ATF7IP2: variants seen among roughly 807,000 people sequenced by gnomAD.
ATF7IP2 encodes the protein activating transcription factor 7 interacting protein 2.
A neutral mutation model predicts 64.2 loss-of-function variants in ATF7IP2; 42 were observed. The observed-to-expected ratio is 0.65, with a 90% confidence interval of 0.51 to 0.85. The LOEUF is 0.85. Ranked by LOEUF, ATF7IP2 falls within the 40% of genes least tolerant of loss-of-function variation. The pLI, the probability that ATF7IP2 is intolerant of heterozygous loss-of-function variation, is 0.00. For missense variants in ATF7IP2, 933 were observed against 784.2 expected, an observed-to-expected ratio of 1.19 and a Z score of -2.27; for synonymous variants, 308 against 272.8, an observed-to-expected ratio of 1.13 and a Z score of -1.27.
intron 2 of ATF7IP2, among the ~76,000 whole-genome samples, chr16:10,416,168 T>G (rs1473411990): frequency 6.6e-6 from 1 of 152,250 alleles, no homozygotes; most frequent in East Asian, 1.9e-4. Flanking sequence ...GTTGCAGCAC[T>G]GTTCACAATA....
intron 1 of ATF7IP2, among the ~76,000 whole-genome samples, chr16:10,413,714 A>C (rs186435484): frequency 6.6e-6 from 1 of 152,278 alleles, no homozygotes; most frequent in East Asian, 1.9e-4. Context: ...AGCAGTTTTT[A>C]CAGTGTTAGC....
intron 11 of ATF7IP2, 46 bp from the exon 12 acceptor site, chr16:10,473,877 C>T: frequency 8.5e-7 from 1 of 1,170,770 alleles, no homozygotes. Context: ...AAAACATTTT[C>T]AGCTATTGAG....
intron 1 of ATF7IP2, among the ~76,000 whole-genome samples, chr16:10,388,616 A>G (rs1014396030): frequency 3.9e-5 from 6 of 152,140 alleles, no homozygotes; most frequent in African/African-American, 1.4e-4. Context: ...TATTAAGGAG[A>G]GAATAACTCT....
At chr16:10,415,048 C>G (rs2047844177) in intron 2 of ATF7IP2, among the ~76,000 whole-genome samples, 2 of 152,188 alleles carry the variant, frequency 1.3e-5, no homozygotes, top group Admixed American at 1.3e-4. Context: ...AATGTTCATA[C>G]TGCTTAAAGC....
intron 6 of ATF7IP2, among the ~76,000 whole-genome samples, chr16:10,435,577 G>A (rs1477568015): frequency 6.6e-6 from 1 of 152,176 alleles, no homozygotes; most frequent in Admixed American, 6.5e-5. Flanking sequence ...ATTAGAACAA[G>A]TGTATAGTCT....
At chr16:10,463,648 A>G (rs1338115632) in intron 9 of ATF7IP2, among the ~76,000 whole-genome samples, 3 of 152,160 alleles carry the variant, frequency 2.0e-5, no homozygotes, top group East Asian at 3.9e-4. Flanking sequence ...CTGCAACCTC[A>G]TGAGAAAACG....
At chr16:10,473,876 T>C (rs2049900521) in intron 11 of ATF7IP2, 47 bp from the exon 12 acceptor site, 2 of 1,221,064 alleles carry the variant, frequency 1.6e-6, no homozygotes, top group Non-Finnish European at 2.3e-6. Context: ...AAAAACATTT[T>C]CAGCTATTGA....
chr16:10,397,548 G>A (rs2047443221), intron 1 of ATF7IP2, among the ~76,000 whole-genome samples: 1 of 152,150 alleles, frequency 6.6e-6, no homozygotes, highest in Non-Finnish European at 1.5e-5. Flanking sequence ...ATCTTGCAGT[G>A]GCATTCCAGC....
At chr16:10,434,679 G>T (rs749899398) in intron 6 of ATF7IP2, among the ~76,000 whole-genome samples, 1 of 152,162 alleles carries the variant, frequency 6.6e-6, no homozygotes, top group African/African-American at 2.4e-5. Flanking sequence ...GCAGGGAAAG[G>T]GTAGAAGTAT....
chr16:10,483,618 A>C lies in ATF7IP2; in HGVS notation c.*1369A>C, dbSNP rs914810997. The stretch of plus-strand genomic sequence containing the variant: ...TGTAAATGCTCTCACATCTGTAGCA[A>C]TAAAGCTGTTATTTTCTGCAGTGTT... On this transcript the variant is annotated 3_prime_UTR_variant, in exon 14 of 14. Coordinates refer to ENST00000562102, the MANE Select transcript of ATF7IP2 (RefSeq NM_001393719.1). 8.5e-5 allele frequency: 13 copies of C among 152,186 alleles called. No individual in the cohort carries two copies. The highest frequency in any genetic ancestry group is 8.5e-4 in the Admixed American group (13 of 15,278). The allele number at this position is 152,186 out of a possible 1,614,324, so 9.4% of individuals were successfully genotyped here. A position where few individuals can be genotyped will look rare whatever the true frequency, so the allele number is the denominator to read the frequency against.
At chr16:10,405,896 C>T (rs1468915321) in intron 1 of ATF7IP2, among the ~76,000 whole-genome samples, 1 of 152,086 alleles carries the variant, frequency 6.6e-6, no homozygotes, top group Non-Finnish European at 1.5e-5. Context: ...AGTTCATAAC[C>T]AGCCTGACCA....
intron 5 of ATF7IP2, among the ~76,000 whole-genome samples, chr16:10,432,978 A>G (rs965214317): frequency 1.3e-5 from 2 of 152,282 alleles, no homozygotes; most frequent in Non-Finnish European, 2.9e-5. Context: ...TTTTGTTCGT[A>G]TATGTGTATT....
At chr16:10,407,192 C>G (rs2047659506) in intron 1 of ATF7IP2, among the ~76,000 whole-genome samples, 1 of 152,076 alleles carries the variant, frequency 6.6e-6, no homozygotes, top group Admixed American at 6.6e-5. Context: ...ATGATAAAAA[C>G]CCTCAAGAAA....
chr16:10,416,846 T>C (rs1181473695), intron 2 of ATF7IP2, among the ~76,000 whole-genome samples: 2 of 152,166 alleles, frequency 1.3e-5, no homozygotes, highest in Non-Finnish European at 2.9e-5. Flanking sequence ...TAGTATTTAA[T>C]TGCACAACTG....
intron 5 of ATF7IP2, among the ~76,000 whole-genome samples, chr16:10,432,311 G>C (rs188781872): frequency 6.6e-6 from 1 of 151,734 alleles, no homozygotes; most frequent in East Asian, 1.9e-4. Context: ...TTTGAAGTAG[G>C]GTATTTTGTT....
chr16:10,438,143 G>A lies in ATF7IP2; in HGVS notation c.1003G>A (p.Glu335Lys). 4 of 1,598,418 alleles carry A rather than the reference G, an allele frequency of 2.5e-6. No individual in the cohort carries two copies. The East Asian group carries it at 6.9e-5, about 28-fold the overall frequency. Reference sequence around the variant, plus strand: ...GCAGGAGATCTATAGCATAAATTATGAACTATTTGATAAGAAACTGAAAGA... The same window carrying A: ...GCAGGAGATCTATAGCATAAATTATAAACTATTTGATAAGAAACTGAAAGA... ...IQQEIYSINY[E>K]LFDKKLKELN... Residue 335 changes from glutamate to lysine, a missense_variant, in exon 7 of 14, where the codon GAA (glutamate) becomes AAA (lysine). By Grantham distance (56) the Glu-to-Lys change is moderately conservative. Transcript: ENST00000562102.
chr16:10,433,598 T>A lies in ATF7IP2; in HGVS notation c.909T>A (p.Ile303=), dbSNP rs987783161. 1 of 1,613,558 alleles carries A rather than the reference T, an allele frequency of 6.2e-7. No homozygotes were observed. Among genetic ancestry groups the A allele is most frequent in the Admixed American group, 1.7e-5 (1 of 59,984 alleles). ...AACGCATGAAAACTTCAGAGCAAAT[T>A]AATGAAAATATTTGTGTAAGTTTGG... is the stretch of plus-strand genomic sequence containing the variant. The part of the protein sequence containing the change: ...NVKRMKTSEQ[I]NENICVSLER... Residue 303 remains isoleucine (I), a synonymous_variant, in exon 6 of 14, where the codon ATT becomes ATA. Coordinates refer to ENST00000562102, the MANE Select transcript of ATF7IP2 (RefSeq NM_001393719.1).
At chr16:10,410,307 C>G (rs2047728159) in intron 1 of ATF7IP2, among the ~76,000 whole-genome samples, 1 of 149,332 alleles carries the variant, frequency 6.7e-6, no homozygotes, top group Non-Finnish European at 1.5e-5. Context: ...TAGGTATATT[C>G]CTAAGTTTTG....
At position 10,431,613 on chromosome 16, in the gene ATF7IP2, T is replaced by G. The variant is rs557995127; in HGVS notation, c.835+158T>G. Among the ~76,000 whole-genome samples, 3 of 152,208 alleles carry G rather than the reference T, an allele frequency of 2.0e-5. No homozygotes were observed. The East Asian group carries it at 5.8e-4, about 29-fold the overall frequency. ...TGTTTCTGAACCATTCTTAGTGAGG[T>G]GGGGGACAGGTATCCACCATATTAA... On this transcript the variant is annotated intron_variant, in intron 5 of 13. Coordinates refer to ENST00000562102, the MANE Select transcript of ATF7IP2 (RefSeq NM_001393719.1).
Sources: gnomAD v4.1 joint callset for allele counts (sites outside exome capture counted in the v4.1 genomes callset) on GRCh38, gnomAD v4.1.1 for gene constraint, MANE v1.5 for transcripts, NCBI Gene and HGNC (gene_info 2026-07-23, HGNC 2026-07-21) for gene names.